The following ZNF675 variants were observed in gnomAD, a reference collection of about 807,000 sequenced individuals.
The protein encoded by ZNF675 is TRAF6 inhibitory zinc finger.
In ZNF675, 36 loss-of-function variants were observed where a neutral mutation model predicts 56.1. The ratio of observed to expected loss-of-function variants is 0.64; its 90% confidence interval spans 0.49 to 0.85. The LOEUF is 0.85. ZNF675 is among the 40% of genes least tolerant of loss of function. The probability of loss-of-function intolerance (pLI) is 0.00; values close to 1 mark genes in which losing one functional copy is unlikely to be tolerated. For synonymous variants in ZNF675, 200 were observed against 218.9 expected, an observed-to-expected ratio of 0.91 and a Z score of 0.76; for missense variants, 663 against 654.2, an observed-to-expected ratio of 1.01 and a Z score of -0.15.
At chr19:23,684,999 CA>C (rs35433884) in intron 1 of ZNF675, among the ~76,000 whole-genome samples, 147,747 of 152,148 alleles carry the variant, frequency 0.97, 71,901 homozygotes, top group Middle Eastern at 1. Context: ...CTTCATGTCT[CA>C]AAGGCTTAGT....
chr19:23,660,398 A>G (rs1424613235), intron 3 of ZNF675, among the ~76,000 whole-genome samples: 2 of 152,232 alleles, frequency 1.3e-5, no homozygotes, highest in Non-Finnish European at 1.5e-5. Flanking sequence ...TTAGTCGAAA[A>G]ATGAAAAAGA....
At chr19:23,661,858 T>C (rs1568290176) in intron 3 of ZNF675, 1 of 349,656 alleles carries the variant, frequency 2.9e-6, no homozygotes, top group African/African-American at 2.1e-5. Flanking sequence ...CAGTCTCTTG[T>C]ATGCCATGAA....
At chr19:23,663,238 T>C in intron 1 of ZNF675, 80 bp from the exon 2 acceptor site, 4 of 1,508,730 alleles carry the variant, frequency 2.7e-6, no homozygotes, top group Non-Finnish European at 3.6e-6. Context: ...AATGAGAGAC[T>C]AAAGAGAACA....
At position 23,653,878 on chromosome 19, in the gene ZNF675, G is replaced by C. The variant is rs1967944680; in HGVS notation, c.1055C>G (p.Ser352Cys). The change falls in exon 4 of 4, where the codon TCC (serine) becomes TGC (cysteine). Residue 352 changes from serine to cysteine, a missense_variant. Around this residue, in one of 3 missense-constraint regions of ZNF675, gnomAD observed 617 missense variants for 590.5 expected, o/e 1.04. Transcript: ENST00000359788. ...CEECGKAFNR[S>C]SKLTEHKNIH... ...GTTTTTATGTTCAGTAAGTTTTGAG[G>C]ATCGGTTAAAAGCTTTTCCACATTC... 1 of 1,613,520 alleles carries C rather than the reference G, an allele frequency of 6.2e-7. No individual in the cohort carries two copies. The highest frequency in any genetic ancestry group is 8.5e-7 in the Non-Finnish European group (1 of 1,179,828).
rs530611336 is a variant in ZNF675, at chr19:23,673,519, C to T, written c.4-10361G>A. The stretch of plus-strand genomic sequence containing the variant: ...AGACAATTCTGCCTGCATATTTAGG[C>T]GACAGCATGCACTTGGCAGCAAATT... On this transcript the variant is annotated intron_variant, in intron 1 of 3. Transcript: ENST00000359788. Among the ~76,000 whole-genome samples, 25 of 152,288 alleles carry T rather than the reference C, an allele frequency of 1.6e-4. No homozygotes were observed. The South Asian group carries it at 3.5e-3, about 21-fold the overall frequency.
intron 1 of ZNF675, among the ~76,000 whole-genome samples, chr19:23,679,993 C>G (rs146109974): frequency 1.0e-4 from 15 of 148,608 alleles, no homozygotes; most frequent in African/African-American, 3.8e-4. Context: ...TCCGTACCCC[C>G]CCCCAAAAAA....
chr19:23,655,537 A>C (rs1967971957), intron 3 of ZNF675: 1 of 151,770 alleles, frequency 6.6e-6, no homozygotes, highest in South Asian at 2.1e-4. Context: ...GTGTAAACTT[A>C]CTGATTAACA....
At chr19:23,659,548 T>C (rs1968048712) in intron 3 of ZNF675, among the ~76,000 whole-genome samples, 1 of 152,186 alleles carries the variant, frequency 6.6e-6, no homozygotes, top group Non-Finnish European at 1.5e-5. Context: ...CATCTCAAAA[T>C]AAGTGCCTTT....
chr19:23,686,570 C>T (rs929226714), intron 1 of ZNF675, among the ~76,000 whole-genome samples: 2 of 152,124 alleles, frequency 1.3e-5, no homozygotes, highest in African/African-American at 4.8e-5. Context: ...AGGTGATCCA[C>T]CCACCTCGGT....
At chr19:23,658,911 AGATATAGATC>A (rs1968036077) in intron 3 of ZNF675, among the ~76,000 whole-genome samples, 1 of 13,386 alleles carries the variant, frequency 7.5e-5, no homozygotes, top group South Asian at 3.0e-3. Context: ...ATCTATAGAT[AGATATAGATC>A]TATAGATACC....
At chr19:23,662,069 C>G (rs1049435653) in intron 3 of ZNF675, 45 bp downstream of exon 3, 1 of 1,385,804 alleles carries the variant, frequency 7.2e-7, no homozygotes, top group Admixed American at 1.7e-5. Flanking sequence ...ACCTTTGGAC[C>G]TCTCATCAGT....
intron 1 of ZNF675, among the ~76,000 whole-genome samples, chr19:23,681,601 T>G (rs1373515776): frequency 6.6e-6 from 1 of 151,698 alleles, no homozygotes; most frequent in African/African-American, 2.4e-5. Context: ...CCAACACTCA[T>G]TGTCTAACGT....
In ZNF675 at chr19:23,653,550, A is replaced by G; in HGVS notation, c.1383T>C (p.Phe461=). Residue 461 remains phenylalanine (F), a synonymous_variant, in exon 4 of 4, where the codon TTT becomes TTC. Coordinates refer to ENST00000359788, the MANE Select transcript of ZNF675 (RefSeq NM_138330.3). ...GTTCAGTAAGTTTTGAGGATTGGAT[A>G]AAAGCTTTGCCACATTCTTCACATT... is the stretch of plus-strand genomic sequence containing the variant. The part of the protein sequence containing the change: ...PYKCEECGKA[F]IQSSKLTEHK... The G allele has an allele frequency of 1.9e-6, 3 of 1,613,480 alleles. No homozygotes were observed. The highest frequency in any genetic ancestry group is 2.5e-6 in the Non-Finnish European group (3 of 1,179,902).
intron 1 of ZNF675, among the ~76,000 whole-genome samples, chr19:23,669,767 C>T (rs1353542680): frequency 2.6e-5 from 4 of 151,670 alleles, no homozygotes; most frequent in African/African-American, 7.3e-5. Flanking sequence ...GCAGGAGAAT[C>T]GCTTGAATCC....
rs897304097 is a variant in ZNF675 at position 23,677,685 on chromosome 19, C to T, written c.3+9346G>A. ...CACACCACTTGCACTCCAGCCTGGGCAACAGAGTGAGACTCCGTCTCAAAA... is the reference window on the plus strand; with the variant it reads ...CACACCACTTGCACTCCAGCCTGGGTAACAGAGTGAGACTCCGTCTCAAAA... On this transcript the variant is annotated intron_variant, in intron 1 of 3. Transcript: ENST00000359788. Among the ~76,000 whole-genome samples, 5 of 112,694 alleles carry T rather than the reference C, an allele frequency of 4.4e-5. No individual in the cohort carries two copies. The East Asian group carries it at 1.0e-3, about 23-fold the overall frequency. The allele number at this position is 112,694 out of a possible 152,430, so 73.9% of individuals were successfully genotyped here.
In ZNF675 at chr19:23,654,662, T is replaced by C. The variant is rs1462576838; in HGVS notation, c.271A>G (p.Ile91Val). 4.4e-6 allele frequency: 7 copies of C among 1,580,134 alleles called. No individual in the cohort carries two copies. The highest frequency in any genetic ancestry group is 1.2e-5 in the South Asian group (1 of 85,208). Residue 91 changes from isoleucine to valine, a missense_variant, in exon 4 of 4, where the codon ATA (isoleucine) becomes GTA (valine). This residue lies in a region of ZNF675 where 617 missense variants were observed against 590.5 expected (regional missense o/e 1.04). Coordinates refer to ENST00000359788, the MANE Select transcript of ZNF675 (RefSeq NM_138330.3). ...GTCACTTTTTCAAAAGAATCTTTTA[T>C]GTTCTGCTCTGGCCAAAACTCTTGG... ...FAQEFWPEQN[I>V]KDSFEKVTLR...
At chr19:23,672,373 T>C (rs1332056270) in intron 1 of ZNF675, among the ~76,000 whole-genome samples, 1 of 152,220 alleles carries the variant, frequency 6.6e-6, no homozygotes, top group African/African-American at 2.4e-5. Context: ...TTACAGATTC[T>C]GTAATCAGAT....
intron 2 of ZNF675, among the ~76,000 whole-genome samples, chr19:23,662,571 G>A (rs113545065): frequency 3.9e-5 from 6 of 152,274 alleles, no homozygotes; most frequent in African/African-American, 1.4e-4. Flanking sequence ...TCTCTATACA[G>A]ACAAATCCTT....
intron 1 of ZNF675, chr19:23,686,392 T>C (rs978098573): frequency 2.6e-5 from 4 of 152,244 alleles, no homozygotes; most frequent in African/African-American, 9.6e-5. Flanking sequence ...AATGGCGTCA[T>C]CTCGGCTCAC....
Sources: allele counts gnomAD v4.1 joint callset (sites outside exome capture counted in the v4.1 genomes callset), GRCh38; gene constraint gnomAD v4.1.1; regional missense constraint gnomAD v4.1.1; transcripts MANE v1.5; gene names NCBI Gene and HGNC (gene_info 2026-07-23, HGNC 2026-07-21).